Variants in LAMA2 observed in about 807,000 individuals in gnomAD.
The protein encoded by LAMA2 is laminin subunit alpha-2.
LAMA2 carries 269 observed loss-of-function variants against 364.8 expected under a neutral mutation model. That is an observed-to-expected ratio of 0.74 (90% CI 0.67 to 0.82). The LOEUF (loss-of-function observed/expected upper bound fraction) is 0.82. LAMA2 is among the 40% of genes least tolerant of loss of function. The probability of loss-of-function intolerance (pLI) is 0.00; values close to 1 mark genes in which losing one functional copy is unlikely to be tolerated. For synonymous variants in LAMA2, 1,379 were observed against 1,370.6 expected (o/e 1.01, Z -0.14); for missense variants, 3,807 against 3,873.2 (o/e 0.98, Z 0.45).
chr6:129,487,002 C>G (rs566558388), intron 56 of LAMA2, among the ~76,000 whole-genome samples: 1 of 152,328 alleles, frequency 6.6e-6, no homozygotes, highest in African/African-American at 2.4e-5. Flanking sequence ...TTGGCGGTTT[C>G]TATCTCATTC....
Position 129,393,090 on chromosome 6 carries a change from G to A in LAMA2, c.5280G>A (p.Glu1760=), listed in dbSNP as rs376693904. The change falls in exon 37 of 65, where the codon GAG becomes GAA. Residue 1760 remains glutamate (E), a synonymous_variant. Coordinates refer to ENST00000421865, the MANE Select transcript of LAMA2 (RefSeq NM_000426.4). The part of the protein sequence containing the change: ...LLKKVKKLFG[E]SRGENEEMEK... Reference sequence around the variant, plus strand: ...AAAAAGTGAAGAAGCTGTTTGGAGAGTCCCGGGGGGAAAATGAAGAAATGG... The same window carrying A: ...AAAAAGTGAAGAAGCTGTTTGGAGAATCCCGGGGGGAAAATGAAGAAATGG... 3.1e-4 allele frequency: 501 copies of A among 1,614,018 alleles called. 6 individuals carry two copies. The South Asian group carries it at 4.4e-3, about 14-fold the overall frequency.
At chr6:129,109,093 A>G (rs1318161279) in intron 4 of LAMA2, among the ~76,000 whole-genome samples, 1 of 152,106 alleles carries the variant, frequency 6.6e-6, no homozygotes, top group Non-Finnish European at 1.5e-5. Flanking sequence ...AGGCATGGTT[A>G]TGGAGCCTGC....
At chr6:129,366,458 C>G in intron 33 of LAMA2, 97 bp downstream of exon 33, 1 of 1,335,720 alleles carries the variant, frequency 7.5e-7, no homozygotes, top group African/African-American at 1.4e-5. Flanking sequence ...TCCCACAGCC[C>G]CAAATCAAGG....
chr6:129,092,506 C>T (rs773720661), intron 3 of LAMA2, among the ~76,000 whole-genome samples: 1 of 152,160 alleles, frequency 6.6e-6, no homozygotes, highest in African/African-American at 2.4e-5. Flanking sequence ...TACAGATGAG[C>T]TTTCCAAATA....
At position 129,004,908 on chromosome 6, in the gene LAMA2, C is replaced by G. The variant is rs759817968; in HGVS notation, c.113-45010C>G. 8.1e-4 allele frequency among the ~76,000 whole-genome samples: 123 copies of G among 152,164 alleles called. 1 individual carries two copies. The highest frequency in any genetic ancestry group is 5.4e-4 in the Non-Finnish European group (37 of 67,964). ...TATATATAGTTAGGGCTTGTTGACA[C>G]TATTTCATCTTGATTTCAATTTATG... On this transcript the variant is annotated intron_variant, in intron 1 of 64. Coordinates refer to ENST00000421865, the MANE Select transcript of LAMA2 (RefSeq NM_000426.4).
In LAMA2 at chr6:128,915,248, TAAAC is replaced by T. The variant is rs1484396912; in HGVS notation, c.112+31894_112+31897del. ...GTAAATGTTCACTCAGACATTGACA[TAAAC>T]AAGGCAGAAAGGTTAATGGATAAAA... On this transcript the variant is annotated intron_variant, in intron 1 of 64. Transcript: ENST00000421865. 3.3e-5 allele frequency among the ~76,000 whole-genome samples: 5 copies of T among 152,294 alleles called. No individual in the cohort carries two copies. The East Asian group carries it at 9.6e-4, about 29-fold the overall frequency.
intron 1 of LAMA2, among the ~76,000 whole-genome samples, chr6:128,942,036 A>G (rs1223272214): frequency 6.6e-6 from 1 of 152,216 alleles, no homozygotes; most frequent in African/African-American, 2.4e-5. Context: ...TCATTAAAAC[A>G]AGCTCAGAAA....
At chr6:129,161,612 C>A (rs1401248063) in intron 8 of LAMA2, among the ~76,000 whole-genome samples, 1 of 151,996 alleles carries the variant, frequency 6.6e-6, no homozygotes, top group Non-Finnish European at 1.5e-5. Context: ...TATTTTGTCA[C>A]CCAGATAATA....
At chr6:129,202,908 C>T (rs1349798038) in intron 12 of LAMA2, among the ~76,000 whole-genome samples, 1 of 152,156 alleles carries the variant, frequency 6.6e-6, no homozygotes, top group Non-Finnish European at 1.5e-5. Context: ...TTTACTCCTA[C>T]AAATAGAAAT....
At chr6:129,444,088 G>A (rs948588327) in intron 44 of LAMA2, among the ~76,000 whole-genome samples, 2 of 152,004 alleles carry the variant, frequency 1.3e-5, no homozygotes, top group African/African-American at 2.4e-5. Flanking sequence ...GGACAAATAG[G>A]CAAAGCTCTA....
At chr6:129,350,170 CAG>C (rs1197317062) in intron 31 of LAMA2, among the ~76,000 whole-genome samples, 16 of 152,270 alleles carry the variant, frequency 1.1e-4, no homozygotes, top group Middle Eastern at 6.8e-3. Flanking sequence ...TTTAATGTAA[CAG>C]AGAGTTACTA....
intron 8 of LAMA2, among the ~76,000 whole-genome samples, chr6:129,160,859 T>G (rs1347254854): frequency 6.6e-6 from 1 of 151,956 alleles, no homozygotes; most frequent in Admixed American, 6.6e-5. Context: ...TATTTTTGAT[T>G]TCTACACTGG....
chr6:129,155,561 T>C (rs1779063807), intron 8 of LAMA2, among the ~76,000 whole-genome samples: 1 of 152,100 alleles, frequency 6.6e-6, no homozygotes, highest in African/African-American at 2.4e-5. Context: ...ACCAAAATTT[T>C]AACTTATAGA....
At chr6:129,102,356 C>T (rs1014402435) in intron 4 of LAMA2, among the ~76,000 whole-genome samples, 2 of 151,818 alleles carry the variant, frequency 1.3e-5, no homozygotes, top group Non-Finnish European at 2.9e-5. Flanking sequence ...AGGATGGTCT[C>T]GATCTCTTGA....
chr6:129,122,913 A>T (rs1776880827), intron 4 of LAMA2, among the ~76,000 whole-genome samples: 1 of 152,216 alleles, frequency 6.6e-6, no homozygotes, highest in Non-Finnish European at 1.5e-5. Flanking sequence ...ATTAAATAAG[A>T]TAAGCTTAAA....
intron 1 of LAMA2, among the ~76,000 whole-genome samples, chr6:128,932,179 T>A (rs1198391584): frequency 6.6e-6 from 1 of 152,226 alleles, no homozygotes; most frequent in African/African-American, 2.4e-5. Flanking sequence ...TTGCAAGGGC[T>A]ATGTCTCCTC....
At chr6:129,237,740 C>A (rs1785093027) in intron 12 of LAMA2, among the ~76,000 whole-genome samples, 1 of 152,028 alleles carries the variant, frequency 6.6e-6, no homozygotes, top group South Asian at 2.1e-4. Context: ...ACAGATATTG[C>A]CAAATTGAAC....
Position 129,016,845 on chromosome 6 carries a change from TTTG to T in LAMA2, c.113-33070_113-33068del, listed in dbSNP as rs567041466. On this transcript the variant is annotated intron_variant, in intron 1 of 64. Coordinates refer to ENST00000421865, the MANE Select transcript of LAMA2 (RefSeq NM_000426.4). ...TAAGTTGAGATTATTCAAAGGTACA[TTTG>T]TTCATTTTTCTATACATATATACAT... is the stretch of plus-strand genomic sequence containing the variant. Among the ~76,000 whole-genome samples, 479 of 151,748 alleles carry T rather than the reference TTTG, an allele frequency of 3.2e-3. 2 individuals are homozygous for T. The highest frequency in any genetic ancestry group is 0.011 in the African/African-American group (449 of 41,490).
intron 1 of LAMA2, among the ~76,000 whole-genome samples, chr6:129,048,194 T>C (rs1787673867): frequency 6.6e-6 from 1 of 152,186 alleles, no homozygotes; most frequent in African/African-American, 2.4e-5. Context: ...TTATTATTAT[T>C]ATATGCAGAT....
Sources: allele counts gnomAD v4.1 joint callset (sites outside exome capture counted in the v4.1 genomes callset), GRCh38; gene constraint gnomAD v4.1.1; transcripts MANE v1.5; gene names NCBI Gene and HGNC (gene_info 2026-07-23, HGNC 2026-07-21).